EPHA3: variants seen among roughly 807,000 people sequenced by gnomAD.
EPHA3 encodes the protein EPH receptor A3, also known as ephrin type-A receptor 3.
A neutral mutation model predicts 107.1 loss-of-function variants in EPHA3; 42 were observed. That is an observed-to-expected ratio of 0.39 (90% CI 0.31 to 0.51). The LOEUF is 0.51. Ranked by LOEUF, EPHA3 falls within the 20% of genes least tolerant of loss-of-function variation. The pLI, the probability that EPHA3 is intolerant of heterozygous loss-of-function variation, is 0.78. For synonymous variants in EPHA3, 461 were observed against 424.8 expected, an observed-to-expected ratio of 1.09 and a Z score of -1.05; for missense variants, 1,183 against 1,211.2, an observed-to-expected ratio of 0.98 and a Z score of 0.35.
intron 1 of EPHA3, among the ~76,000 whole-genome samples, chr3:89,108,380 C>T (rs1239019956): frequency 6.6e-6 from 1 of 152,094 alleles, no homozygotes; most frequent in Non-Finnish European, 1.5e-5. Context: ...TGTGTGTATC[C>T]CGCCAGGCAA....
At chr3:89,305,233 G>A (rs1559640131) in intron 3 of EPHA3, among the ~76,000 whole-genome samples, 1 of 151,766 alleles carries the variant, frequency 6.6e-6, no homozygotes, top group Non-Finnish European at 1.5e-5. Context: ...ACATATTTCA[G>A]TCTTATAGTT....
At chr3:89,234,833 C>T (rs1221146339) in intron 3 of EPHA3, among the ~76,000 whole-genome samples, 1 of 111,804 alleles carries the variant, frequency 8.9e-6, no homozygotes, top group Non-Finnish European at 1.7e-5. Context: ...CTTTCCTTTC[C>T]TTTCTTTCCT....
At chr3:89,395,167 A>C (rs1221049367) in intron 5 of EPHA3, among the ~76,000 whole-genome samples, 6 of 152,194 alleles carry the variant, frequency 3.9e-5, no homozygotes, top group Non-Finnish European at 5.9e-5. Context: ...ATGTCTAGGT[A>C]ATTGTAACAC....
chr3:89,194,504 C>A (rs780739885), intron 2 of EPHA3, among the ~76,000 whole-genome samples: 3 of 151,832 alleles, frequency 2.0e-5, no homozygotes, highest in Non-Finnish European at 4.4e-5. Context: ...CTGTAGATAT[C>A]GATTAAGAAA....
At chr3:89,334,066 T>C (rs1001345529) in intron 3 of EPHA3, among the ~76,000 whole-genome samples, 31 of 152,208 alleles carry the variant, frequency 2.0e-4, no homozygotes, top group African/African-American at 5.8e-4. Context: ...TTCATTCCCA[T>C]AAAATTCACA....
chr3:89,213,564 A>G (rs558858852), intron 3 of EPHA3, among the ~76,000 whole-genome samples: 1 of 152,158 alleles, frequency 6.6e-6, no homozygotes, highest in Admixed American at 6.5e-5. Flanking sequence ...TTCTCGTTAG[A>G]ATAACGAATA....
intron 3 of EPHA3, among the ~76,000 whole-genome samples, chr3:89,243,735 C>A (rs1704966023): frequency 6.6e-6 from 1 of 152,074 alleles, no homozygotes; most frequent in Non-Finnish European, 1.5e-5. Context: ...AGAGTAGTTT[C>A]TTTTGCTGTG....
intron 3 of EPHA3, among the ~76,000 whole-genome samples, chr3:89,220,797 A>C (rs982389534): frequency 9.2e-5 from 14 of 152,188 alleles, no homozygotes; most frequent in Admixed American, 8.5e-4. Context: ...TCTTTGTATA[A>C]AAAGTTTCTA....
intron 7 of EPHA3, among the ~76,000 whole-genome samples, chr3:89,401,275 G>A (rs1456045235): frequency 1.3e-5 from 2 of 152,174 alleles, no homozygotes; most frequent in Non-Finnish European, 2.9e-5. Context: ...AATGTTTTTA[G>A]AAATCATCTG....
intron 2 of EPHA3, among the ~76,000 whole-genome samples, chr3:89,145,280 GACAC>G (rs10670597): frequency 6.7e-6 from 1 of 149,928 alleles, no homozygotes; most frequent in Non-Finnish European, 1.5e-5. Context: ...TTCACAAACA[GACAC>G]ACACACACAC....
intron 2 of EPHA3, among the ~76,000 whole-genome samples, chr3:89,181,971 C>A (rs1250928160): frequency 6.6e-6 from 1 of 151,520 alleles, no homozygotes; most frequent in East Asian, 1.9e-4. Flanking sequence ...CAACAGTGAG[C>A]ACTTTAGATA....
chr3:89,218,132 TTTA>T (rs148902822), intron 3 of EPHA3, among the ~76,000 whole-genome samples: 1,733 of 150,916 alleles, frequency 0.011, 31 homozygotes, highest in African/African-American at 0.036. Flanking sequence ...CATCTTGGAT[TTTA>T]TTATTATTAT....
At chr3:89,468,023 C>G (rs1710322322) in intron 15 of EPHA3, among the ~76,000 whole-genome samples, 1 of 152,126 alleles carries the variant, frequency 6.6e-6, no homozygotes, top group Admixed American at 6.5e-5. Flanking sequence ...TGAAAAAACG[C>G]CAATGCCTGC....
chr3:89,433,741 G>T (rs1348887631), intron 13 of EPHA3, among the ~76,000 whole-genome samples: 2 of 152,140 alleles, frequency 1.3e-5, no homozygotes, highest in African/African-American at 2.4e-5. Context: ...CTTGTAGCTA[G>T]TTGAATTAAA....
chr3:89,336,703 C>T (rs1004855673), intron 3 of EPHA3, among the ~76,000 whole-genome samples: 2 of 152,054 alleles, frequency 1.3e-5, no homozygotes, highest in African/African-American at 4.8e-5. Context: ...TCCCACTGCC[C>T]TTCCAACTAA....
intron 2 of EPHA3, among the ~76,000 whole-genome samples, chr3:89,157,971 A>G (rs1704843555): frequency 6.6e-6 from 1 of 152,000 alleles, no homozygotes; most frequent in Non-Finnish European, 1.5e-5. Context: ...ATAAATGCCT[A>G]AAGTTTGTGA....
intron 10 of EPHA3, among the ~76,000 whole-genome samples, chr3:89,416,319 T>C (rs1426459913): frequency 6.6e-6 from 1 of 151,414 alleles, no homozygotes; most frequent in Non-Finnish European, 1.5e-5. Context: ...TATCTAGAAA[T>C]GACAAGATCT....
At chr3:89,311,462 CAG>C (rs1706764445) in intron 3 of EPHA3, among the ~76,000 whole-genome samples, 1 of 151,964 alleles carries the variant, frequency 6.6e-6, no homozygotes, top group African/African-American at 2.4e-5. Flanking sequence ...ATTTGAGTAA[CAG>C]AGGAGGATTT....
intron 2 of EPHA3, among the ~76,000 whole-genome samples, chr3:89,137,059 T>C (rs1342563044): frequency 6.6e-6 from 1 of 151,974 alleles, no homozygotes; most frequent in East Asian, 1.9e-4. Context: ...ATTATAATTT[T>C]AAAAGAATGG....
Sources: gnomAD v4.1 joint callset for allele counts (sites outside exome capture counted in the v4.1 genomes callset) on GRCh38, gnomAD v4.1.1 for gene constraint, MANE v1.5 for transcripts, NCBI Gene and HGNC (gene_info 2026-07-23, HGNC 2026-07-21) for gene names.